PRR16: variants seen among roughly 807,000 people sequenced by gnomAD.
The protein encoded by PRR16 is protein Largen.
Under a neutral mutation model 18.2 loss-of-function variants are expected in PRR16, and 6 were observed. The ratio of observed to expected loss-of-function variants is 0.33; its 90% CI spans 0.18 to 0.65. PRR16 has a LOEUF of 0.65. Ranked by LOEUF, PRR16 falls within the 30% of genes least tolerant of loss-of-function variation. The pLI is 0.74. For missense variants in PRR16, 412 were observed against 376.6 expected (o/e 1.09, Z -0.78); for synonymous variants, 151 against 147.8 (o/e 1.02, Z -0.16).
the PRR16 span, chr5:120,790,338 CAA>C: frequency 6.6e-6 from 1 of 152,092 alleles, no homozygotes. Context: ...GTGAGACCAA[CAA>C]AATTAATATT....
chr5:120,650,060 A>G (rs989763126), intron 1 of PRR16, among the ~76,000 whole-genome samples: 1 of 151,938 alleles, frequency 6.6e-6, no homozygotes, highest in African/African-American at 2.4e-5. Flanking sequence ...TCTACAAAAA[A>G]TGCAAAAATT....
At chr5:120,653,691 TA>T (rs77483091) in intron 1 of PRR16, among the ~76,000 whole-genome samples, 9,797 of 150,914 alleles carry the variant, frequency 0.065, 330 homozygotes, top group South Asian at 0.084. Flanking sequence ...TGCTTCACAT[TA>T]AAAAAAAATA....
chr5:120,770,236 A>G, the PRR16 span, among the ~76,000 whole-genome samples: 3 of 139,488 alleles, frequency 2.2e-5, no homozygotes, highest in East Asian at 4.0e-4. Context: ...TAGCACTGAC[A>G]TAAAGACAAA....
At chr5:120,644,563 T>C (rs1409432743) in intron 1 of PRR16, among the ~76,000 whole-genome samples, 2 of 152,140 alleles carry the variant, frequency 1.3e-5, no homozygotes, top group Non-Finnish European at 2.9e-5. Context: ...CTTTTACACC[T>C]GAGTCAACAG....
the PRR16 span, among the ~76,000 whole-genome samples, chr5:120,755,124 G>A: frequency 6.6e-6 from 1 of 151,432 alleles, no homozygotes; most frequent in African/African-American, 2.4e-5. Flanking sequence ...ACACCAACAT[G>A]GCACATGGAT....
At chr5:120,484,299 TA>T (rs2112814681) in intron 1 of PRR16, among the ~76,000 whole-genome samples, 1 of 147,292 alleles carries the variant, frequency 6.8e-6, no homozygotes, top group South Asian at 2.1e-4. Flanking sequence ...GTCTTATGTA[TA>T]ATATATAATA....
intron 1 of PRR16, among the ~76,000 whole-genome samples, chr5:120,662,846 G>A (rs1267724981): frequency 6.6e-6 from 1 of 152,076 alleles, no homozygotes. Flanking sequence ...GGGGACCTTG[G>A]GGGCAGGAAT....
chr5:120,692,809 G>A, the PRR16 span, among the ~76,000 whole-genome samples: 1 of 152,074 alleles, frequency 6.6e-6, no homozygotes, highest in Non-Finnish European at 1.5e-5. Flanking sequence ...TTAGTGGGGG[G>A]AATTAACAAC....
intron 1 of PRR16, among the ~76,000 whole-genome samples, chr5:120,668,793 T>A (rs1442750714): frequency 6.6e-6 from 1 of 152,194 alleles, no homozygotes; most frequent in African/African-American, 2.4e-5. Flanking sequence ...CCCACTCTCT[T>A]CTGGCTTGTA....
chr5:120,787,975 G>C, the PRR16 span, among the ~76,000 whole-genome samples: 1 of 151,606 alleles, frequency 6.6e-6, no homozygotes, highest in Non-Finnish European at 1.5e-5. Flanking sequence ...TCTCTCTCTT[G>C]CTTCTATGCC....
At chr5:120,588,925 A>AT (rs11378287) in intron 1 of PRR16, among the ~76,000 whole-genome samples, 8,126 of 151,404 alleles carry the variant, frequency 0.054, 710 homozygotes, top group African/African-American at 0.18. Context: ...TAACCAATAG[A>AT]TTTTTTTTTA....
At chr5:120,695,730 A>G in the PRR16 span, among the ~76,000 whole-genome samples, 16 of 152,106 alleles carry the variant, frequency 1.1e-4, no homozygotes. Context: ...CTCCCAATCT[A>G]GCGACCCCAA....
intron 1 of PRR16, among the ~76,000 whole-genome samples, chr5:120,613,715 G>C (rs774018026): frequency 2.6e-5 from 4 of 151,948 alleles, no homozygotes; most frequent in Non-Finnish European, 4.4e-5. Context: ...TTCCTTTAAG[G>C]CACTAACACA....
intron 1 of PRR16, among the ~76,000 whole-genome samples, chr5:120,669,794 C>T (rs540186042): frequency 5.3e-5 from 8 of 151,886 alleles, no homozygotes; most frequent in South Asian, 2.1e-4. Flanking sequence ...ACATTCACAA[C>T]GTAAAATATG....
At chr5:120,793,972 TG>T in the PRR16 span, among the ~76,000 whole-genome samples, 1 of 152,172 alleles carries the variant, frequency 6.6e-6, no homozygotes, top group South Asian at 2.1e-4. Flanking sequence ...TATTACCTTG[TG>T]GGACCACCAT....
At chr5:120,493,670 C>A (rs1448193276) in intron 1 of PRR16, among the ~76,000 whole-genome samples, 2 of 152,158 alleles carry the variant, frequency 1.3e-5, no homozygotes, top group African/African-American at 4.8e-5. Flanking sequence ...CCTTTTACAG[C>A]TATACCCACT....
rs17853861 is a variant in PRR16 at position 120,686,122 on chromosome 5, C to A, written c.328C>A (p.Pro110Thr). The change falls in exon 2 of 2, where the codon CCG becomes ACG. Residue 110 changes from proline (P) to threonine (T), a missense_variant. By Grantham distance (38) the Pro-to-Thr change is conservative. Transcript: ENST00000407149. ...NAPLIKPPAHPSAILTVLRKP... is the reference protein window; with the variant it reads ...NAPLIKPPAHTSAILTVLRKP... ...ACCGCTTATTAAACCCCCAGCACACCCGTCTGCTATCCTCACGGTCCTGAG... is the reference window on the plus strand; with the variant it reads ...ACCGCTTATTAAACCCCCAGCACACACGTCTGCTATCCTCACGGTCCTGAG... 242,721 of 1,613,906 alleles carry A rather than the reference C, an allele frequency of 0.15. 19,553 individuals carry two copies. The highest frequency in any genetic ancestry group is 0.16 in the Non-Finnish European group (193,828 of 1,179,950).
At chr5:120,722,324 G>A in the PRR16 span, among the ~76,000 whole-genome samples, 4 of 151,982 alleles carry the variant, frequency 2.6e-5, no homozygotes, top group African/African-American at 9.7e-5. Context: ...TCAGGGTTAA[G>A]CATTCTCTTT....
At chr5:120,583,161 A>C (rs1423802296) in intron 1 of PRR16, among the ~76,000 whole-genome samples, 1 of 152,188 alleles carries the variant, frequency 6.6e-6, no homozygotes, top group African/African-American at 2.4e-5. Flanking sequence ...TGTCCTTTAC[A>C]CACTAGCCTC....
Sources: gnomAD v4.1 joint callset for allele counts (sites outside exome capture counted in the v4.1 genomes callset) on GRCh38, gnomAD v4.1.1 for gene constraint, MANE v1.5 for transcripts, NCBI Gene and HGNC (gene_info 2026-07-23, HGNC 2026-07-21) for gene names.